Variants in RIPOR3 observed in about 807,000 individuals in gnomAD.
RIPOR3 encodes family with sequence similarity 65 member C.
In RIPOR3, 95 loss-of-function variants were observed where a neutral mutation model predicts 114.3. The observed-to-expected ratio is 0.83, with a 90% confidence interval of 0.70 to 0.99. The LOEUF (loss-of-function observed/expected upper bound fraction) is 0.99. RIPOR3 is among the 50% of genes least tolerant of loss of function. The pLI is 0.00. For missense variants in RIPOR3, 1,252 were observed against 1,266.9 expected (o/e 0.99, Z 0.18); for synonymous variants, 575 against 543.8 (o/e 1.06, Z -0.80).
At chr20:50,662,493 C>T (rs967027455) in intron 1 of RIPOR3, among the ~76,000 whole-genome samples, 3 of 152,186 alleles carry the variant, frequency 2.0e-5, no homozygotes, top group African/African-American at 7.2e-5. Flanking sequence ...TAGGTGCAGC[C>T]GTGACTGCTG....
At chr20:50,604,393 TG>T in intron 12 of RIPOR3, among the ~76,000 whole-genome samples, 1 of 152,300 alleles carries the variant, frequency 6.6e-6, no homozygotes, top group East Asian at 1.9e-4. Flanking sequence ...AGGCCATGAC[TG>T]GGGTGCTAGA....
At chr20:50,663,417 A>T (rs1235439306) in intron 1 of RIPOR3, among the ~76,000 whole-genome samples, 3 of 152,226 alleles carry the variant, frequency 2.0e-5, no homozygotes, top group Admixed American at 2.0e-4. Context: ...AGCCAGGGTC[A>T]GGCAGTGCGA....
intron 3 of RIPOR3, among the ~76,000 whole-genome samples, chr20:50,616,890 C>A (rs1367181317): frequency 6.6e-6 from 1 of 152,190 alleles, no homozygotes; most frequent in Non-Finnish European, 1.5e-5. Context: ...CGCCTGTAAT[C>A]CTAACACTTT....
chr20:50,690,764 T>G (rs950490856), intron 1 of RIPOR3, among the ~76,000 whole-genome samples: 3 of 152,156 alleles, frequency 2.0e-5, no homozygotes, highest in African/African-American at 7.2e-5. Flanking sequence ...ATACTTACCC[T>G]GCAGGGGGCT....
intron 4 of RIPOR3, 47 bp from the exon 5 acceptor site, chr20:50,611,251 T>C: frequency 6.2e-7 from 1 of 1,613,602 alleles, no homozygotes; most frequent in Non-Finnish European, 8.5e-7. Context: ...GAGTCCCACA[T>C]GTTCCTCCAA....
At chr20:50,684,532 T>C (rs752166802) in intron 1 of RIPOR3, among the ~76,000 whole-genome samples, 5 of 152,116 alleles carry the variant, frequency 3.3e-5, no homozygotes, top group African/African-American at 4.8e-5. Context: ...GGGCTGGAGA[T>C]AGGAGGTGTC....
Position 50,608,928 on chromosome 20 carries a change from G to C in RIPOR3, c.668C>G (p.Pro223Arg). The C allele has an allele frequency of 6.3e-7, 1 of 1,591,124 alleles. No homozygotes were observed. Among genetic ancestry groups the C allele is most frequent in the Non-Finnish European group, 8.6e-7 (1 of 1,169,386 alleles). ...KGLVGYARLC[P>R]GDHYEVLMRL... is the part of the protein sequence containing the mutation. Reference sequence around the variant, plus strand: ...TGGCCGTACCTCATAGTGGTCTCCGGGACAGAGGCGTGCGTAGCCCACCAA... The same window carrying C: ...TGGCCGTACCTCATAGTGGTCTCCGCGACAGAGGCGTGCGTAGCCCACCAA... The change falls in exon 9 of 22, where the codon CCC becomes CGC. Residue 223 changes from proline (P) to arginine (R), a missense_variant. By Grantham distance (103) the Pro-to-Arg change is moderately radical. Coordinates refer to ENST00000327979, the MANE Select transcript of RIPOR3 (RefSeq NM_001290268.2).
intron 4 of RIPOR3, among the ~76,000 whole-genome samples, chr20:50,614,146 C>T (rs1176297263): frequency 2.0e-5 from 3 of 152,194 alleles, no homozygotes; most frequent in East Asian, 3.9e-4. Flanking sequence ...AGCTATTCTC[C>T]TGCCTCAGCC....
intron 1 of RIPOR3, among the ~76,000 whole-genome samples, chr20:50,664,097 CT>C (rs1332733730): frequency 6.6e-6 from 1 of 151,990 alleles, no homozygotes; most frequent in African/African-American, 2.4e-5. Flanking sequence ...TGGCTAATTT[CT>C]GTATTTTTAG....
At chr20:50,592,275 T>C (rs543322504) in intron 19 of RIPOR3, 69 bp downstream of exon 19, 1 of 1,447,412 alleles carries the variant, frequency 6.9e-7, no homozygotes, top group East Asian at 2.5e-5. Context: ...TACTTTTCCA[T>C]GAGAACACCA....
Position 50,602,753 on chromosome 20 carries a change from G to T in RIPOR3, c.1087-109C>A. 2.5e-6 allele frequency: 2 copies of T among 800,684 alleles called. No homozygotes were observed. Among genetic ancestry groups the T allele is most frequent in the Non-Finnish European group, 3.5e-6 (2 of 574,846 alleles). 49.6% of individuals were successfully genotyped at this position (800,684 alleles called of 1,614,324 possible). ...CCCGCTGTGCATGCCCATGTTCTCA[G>T]GATGACTGAGGCCTGCCGAGGTGAC... On this transcript the variant is annotated intron_variant, in intron 12 of 21. Transcript: ENST00000327979. The surrounding 1 kb of genome is among the most constrained non-coding windows in gnomAD (Gnocchi z 4.3).
chr20:50,589,307 CTTT>C (rs1241590522), intron 20 of RIPOR3, among the ~76,000 whole-genome samples: 5 of 137,686 alleles, frequency 3.6e-5, no homozygotes, highest in Admixed American at 1.5e-4. Context: ...TATTTTGTAA[CTTT>C]TTTTTTTTTT....
rs761901198 is a variant in RIPOR3, at chr20:50,602,334, G to A, written c.1397C>T (p.Pro466Leu). ...LPEMAHLSGGPFAEQPGWRNL... is the reference protein window; with the variant it reads ...LPEMAHLSGGLFAEQPGWRNL... ...CCTCCAGCCAGGCTGCTCTGCAAACGGGCCTCCAGAGAGGTGGGCCATCTC... is the reference window on the plus strand; with the variant it reads ...CCTCCAGCCAGGCTGCTCTGCAAACAGGCCTCCAGAGAGGTGGGCCATCTC... The change falls in exon 13 of 22, where the codon CCG (proline) becomes CTG (leucine). Residue 466 changes from proline (P) to leucine (L), a missense_variant. By Grantham distance (98) the Pro-to-Leu change is moderately conservative. Coordinates refer to ENST00000327979, the MANE Select transcript of RIPOR3 (RefSeq NM_001290268.2). This position sits in a 1 kb window ranked among gnomAD's most constrained non-coding sequence, Gnocchi z 4.3. The A allele has an allele frequency of 1.5e-5, 25 of 1,613,742 alleles. No individual in the cohort carries two copies. The Middle Eastern group carries it at 6.6e-4, about 42-fold the overall frequency.
intron 13 of RIPOR3, among the ~76,000 whole-genome samples, chr20:50,599,113 T>C (rs2083403898): frequency 6.6e-6 from 1 of 151,984 alleles, no homozygotes; most frequent in Non-Finnish European, 1.5e-5. Context: ...TATTGTTGGC[T>C]GGGTGTGGTG....
At chr20:50,610,170 TCTCACCTGC>T (rs2083921164) in intron 6 of RIPOR3, among the ~76,000 whole-genome samples, 1 of 78,138 alleles carries the variant, frequency 1.3e-5, no homozygotes, top group African/African-American at 5.0e-5. Flanking sequence ...GCCAACCCTG[TCTCACCTGC>T]CTCTCCTGCC....
chr20:50,627,491 C>T (rs138470379), intron 2 of RIPOR3, among the ~76,000 whole-genome samples: 1,914 of 137,218 alleles, frequency 0.014, 22 homozygotes, highest in Non-Finnish European at 0.018. Flanking sequence ...GCCTGGGCAA[C>T]AGAGCGAGAC....
intron 1 of RIPOR3, among the ~76,000 whole-genome samples, chr20:50,654,659 T>C (rs2085744893): frequency 6.6e-6 from 1 of 152,176 alleles, no homozygotes; most frequent in Admixed American, 6.6e-5. Context: ...TCCTCTCTTA[T>C]ATCAGCTTTG....
Position 50,591,670 on chromosome 20 carries a change from C to T in RIPOR3, c.2577+674G>A, listed in dbSNP as rs539573965. On this transcript the variant is annotated intron_variant, in intron 19 of 21. Transcript: ENST00000327979. ...ACCCCTCAGGGTGTGGCGCCTTAAA[C>T]GTACAGTAGTTACAGGCAAAGAGTG... is the stretch of plus-strand genomic sequence containing the variant. 3.9e-5 allele frequency among the ~76,000 whole-genome samples: 6 copies of T among 152,308 alleles called. No individual in the cohort carries two copies. In the South Asian group the frequency reaches 1.0e-3, roughly 26 times the overall value.
chr20:50,656,384 G>A (rs1425653244), intron 1 of RIPOR3, among the ~76,000 whole-genome samples: 1 of 152,158 alleles, frequency 6.6e-6, no homozygotes, highest in African/African-American at 2.4e-5. Context: ...TGATTGTTGG[G>A]AGGAGTAAAC....
Sources: allele counts gnomAD v4.1 joint callset (sites outside exome capture counted in the v4.1 genomes callset), GRCh38; gene constraint gnomAD v4.1.1; non-coding constraint Gnocchi (gnomAD v3.1); transcripts MANE v1.5; gene names NCBI Gene and HGNC (gene_info 2026-07-23, HGNC 2026-07-21).